The following ZNRF3 variants were observed in gnomAD, a reference collection of about 807,000 sequenced individuals.
ZNRF3 encodes the protein E3 ubiquitin-protein ligase ZNRF3.
ZNRF3 carries 23 observed loss-of-function variants against 72.5 expected under a neutral mutation model. That is an observed-to-expected ratio of 0.32 (90% CI 0.23 to 0.45). The LOEUF (loss-of-function observed/expected upper bound fraction) is 0.45, where lower values mean the gene tolerates loss of function less well. ZNRF3 is among the 20% of genes least tolerant of loss of function. ZNRF3 has a pLI of 1.00. For missense variants in ZNRF3, 1,169 were observed against 1,272.1 expected (o/e 0.92, Z 1.23); for synonymous variants, 610 against 545.3 (o/e 1.12, Z -1.65).
intron 1 of ZNRF3, among the ~76,000 whole-genome samples, chr22:28,924,863 G>A (rs561701156): frequency 3.0e-4 from 45 of 152,280 alleles, no homozygotes; most frequent in South Asian, 1.0e-3. Flanking sequence ...GCTTGCCCAA[G>A]GCTGGTAGTC....
At chr22:28,926,702 G>A (rs767684355) in intron 1 of ZNRF3, among the ~76,000 whole-genome samples, 2 of 151,264 alleles carry the variant, frequency 1.3e-5, no homozygotes, top group Non-Finnish European at 2.9e-5. Context: ...GGGAGGCTGA[G>A]GCAGGAGAAT....
intron 2 of ZNRF3, among the ~76,000 whole-genome samples, chr22:28,992,112 C>T (rs1483094485): frequency 1.3e-5 from 2 of 152,110 alleles, no homozygotes; most frequent in Admixed American, 1.3e-4. Context: ...ATGATCATGC[C>T]ACTGCTCTCT....
chr22:28,965,190 C>T (rs1373151246), intron 1 of ZNRF3, among the ~76,000 whole-genome samples: 2 of 152,174 alleles, frequency 1.3e-5, no homozygotes, highest in African/African-American at 2.4e-5. Flanking sequence ...GCATCAGCCA[C>T]ACACGAGGAC....
intron 2 of ZNRF3, among the ~76,000 whole-genome samples, chr22:29,040,474 C>T (rs555122526): frequency 1.3e-5 from 2 of 152,080 alleles, no homozygotes; most frequent in Non-Finnish European, 2.9e-5. Flanking sequence ...AGCCACCATG[C>T]CCAGCCATCC....
chr22:28,946,827 T>G (rs1231071341), intron 1 of ZNRF3, among the ~76,000 whole-genome samples: 1 of 152,130 alleles, frequency 6.6e-6, no homozygotes, highest in Non-Finnish European at 1.5e-5. Flanking sequence ...TGGTCTCTGT[T>G]GAGGAGTACT....
chr22:29,021,900 GCA>G (rs899172218), intron 2 of ZNRF3, among the ~76,000 whole-genome samples: 8 of 151,178 alleles, frequency 5.3e-5, no homozygotes, highest in African/African-American at 1.5e-4. Context: ...ACACACACAT[GCA>G]CACACACACA....
At chr22:28,912,631 C>T (rs184063257) in intron 1 of ZNRF3, among the ~76,000 whole-genome samples, 3 of 150,292 alleles carry the variant, frequency 2.0e-5, no homozygotes, top group East Asian at 3.9e-4. Context: ...GACCGTCCAT[C>T]TAGGCTCAGG....
In ZNRF3 at chr22:29,030,854, C is replaced by T. The variant is rs2036735549; in HGVS notation, c.427-11641C>T. On this transcript the variant is annotated intron_variant, in intron 2 of 8. Transcript: ENST00000544604. This position sits in a 1 kb window ranked among gnomAD's most constrained non-coding sequence, Gnocchi z 4.2. The stretch of plus-strand genomic sequence containing the variant: ...AGGGGGGATGTTGGCCGCAGGGCCT[C>T]GGAGTTCTGAGCTGTGTTTGTGGCT... Among the ~76,000 whole-genome samples, 1 of 152,146 alleles carries T rather than the reference C, an allele frequency of 6.6e-6. No homozygotes were observed. Among genetic ancestry groups the T allele is most frequent in the African/African-American group, 2.4e-5 (1 of 41,428 alleles).
intron 3 of ZNRF3, among the ~76,000 whole-genome samples, chr22:29,043,048 T>C (rs9613784): frequency 0.49 from 74,317 of 151,636 alleles, 18,451 homozygotes; most frequent in East Asian, 0.54. Flanking sequence ...GCTGGGATTA[T>C]AGGCGTGAGC....
intron 1 of ZNRF3, among the ~76,000 whole-genome samples, chr22:28,899,231 T>C (rs1337947415): frequency 1.3e-5 from 2 of 152,224 alleles, no homozygotes; most frequent in Non-Finnish European, 2.9e-5. Flanking sequence ...GGGTGGGTGA[T>C]TTCAAGTTCC....
At position 29,046,705 on chromosome 22, in the gene ZNRF3, C is replaced by T; in HGVS notation, c.745-11C>T. 6.3e-7 allele frequency: 1 copy of T among 1,590,412 alleles called. No homozygotes were observed. The highest frequency in any genetic ancestry group is 8.6e-7 in the Non-Finnish European group (1 of 1,167,724). On this transcript the variant is annotated splice_polypyrimidine_tract_variant and intron_variant, in intron 5 of 8. Coordinates refer to ENST00000544604, the MANE Select transcript of ZNRF3 (RefSeq NM_001206998.2). ...ACTGGACCCTCACACAGACTACATT[C>T]TGCCCTGCAGAATTCCATGAACAGG...
At position 29,048,303 on chromosome 22, in the gene ZNRF3, A is replaced by G; in HGVS notation, c.913-86A>G. The G allele has an allele frequency of 3.6e-6, 4 of 1,105,736 alleles. No homozygotes were observed. The highest frequency in any genetic ancestry group is 5.4e-6 in the Non-Finnish European group (4 of 742,076). The allele number at this position is 1,105,736 out of a possible 1,614,324, so 68.5% of individuals were successfully genotyped here. Reference sequence around the variant, plus strand: ...AGGGAAGGGCACGGGCATGCTGTGCAGAACTCCTTGGTCTATGCTGGACTC... The same window carrying G: ...AGGGAAGGGCACGGGCATGCTGTGCGGAACTCCTTGGTCTATGCTGGACTC... On this transcript the variant is annotated intron_variant, in intron 6 of 8. Transcript: ENST00000544604. The surrounding 1 kb of genome is among the most constrained non-coding windows in gnomAD (Gnocchi z 4.9).
intron 1 of ZNRF3, among the ~76,000 whole-genome samples, chr22:28,889,731 C>T (rs1017353585): frequency 1.1e-4 from 16 of 152,210 alleles, no homozygotes; most frequent in Non-Finnish European, 1.9e-4. Flanking sequence ...AGAATATAGT[C>T]ACTCAAAGAC....
chr22:29,015,830 C>T (rs1327069370), intron 2 of ZNRF3, among the ~76,000 whole-genome samples: 1 of 151,626 alleles, frequency 6.6e-6, no homozygotes, highest in Non-Finnish European at 1.5e-5. Flanking sequence ...GCAGCCTGAC[C>T]AACATGGTGA....
At chr22:28,928,030 GACC>G (rs923255890) in intron 1 of ZNRF3, among the ~76,000 whole-genome samples, 8 of 152,198 alleles carry the variant, frequency 5.3e-5, no homozygotes, top group Admixed American at 6.5e-5. Flanking sequence ...ATGAAGTCAA[GACC>G]ACCATCTCCA....
chr22:28,915,059 T>C (rs1354096530), intron 1 of ZNRF3, among the ~76,000 whole-genome samples: 2 of 152,202 alleles, frequency 1.3e-5, no homozygotes, highest in African/African-American at 4.8e-5. Flanking sequence ...TTCCTTACAC[T>C]GAACCAAATT....
chr22:28,932,067 G>A (rs2034717269), intron 1 of ZNRF3, among the ~76,000 whole-genome samples: 1 of 152,244 alleles, frequency 6.6e-6, no homozygotes, highest in Non-Finnish European at 1.5e-5. Context: ...CGTGGCACCT[G>A]TAGCTGAGGC....
At chr22:28,976,919 A>G (rs1381943197) in intron 1 of ZNRF3, among the ~76,000 whole-genome samples, 1 of 152,204 alleles carries the variant, frequency 6.6e-6, no homozygotes, top group East Asian at 1.9e-4. Context: ...GAGGGTTTGT[A>G]AAGTCAGGCG....
At chr22:29,024,071 G>C (rs2036582379) in intron 2 of ZNRF3, among the ~76,000 whole-genome samples, 1 of 152,108 alleles carries the variant, frequency 6.6e-6, no homozygotes. Flanking sequence ...AAGGCTCTGG[G>C]TAATTGATAG....
Sources: gnomAD v4.1 joint callset for allele counts (sites outside exome capture counted in the v4.1 genomes callset) on GRCh38, gnomAD v4.1.1 for gene constraint, Gnocchi (gnomAD v3.1) non-coding constraint, MANE v1.5 for transcripts, NCBI Gene and HGNC (gene_info 2026-07-23, HGNC 2026-07-21) for gene names.